KCNIP4: variants seen among roughly 807,000 people sequenced by gnomAD.
KCNIP4 encodes the protein Kv channel-interacting protein 4.
KCNIP4 carries 12 observed loss-of-function variants against 34.0 expected under a neutral mutation model. That is an observed-to-expected ratio of 0.35 (90% CI 0.23 to 0.57). The LOEUF (loss-of-function observed/expected upper bound fraction) is 0.57. Among genes scored for constraint, KCNIP4 ranks in the 20% least tolerant of loss-of-function variants. The probability of loss-of-function intolerance (pLI) is 0.83; values close to 1 mark genes in which losing one functional copy is unlikely to be tolerated. For missense variants in KCNIP4, 238 were observed against 311.7 expected, an observed-to-expected ratio of 0.76 and a Z score of 1.78; for synonymous variants, 124 against 102.2, an observed-to-expected ratio of 1.21 and a Z score of -1.29.
intron 1 of KCNIP4, among the ~76,000 whole-genome samples, chr4:21,409,306 A>G (rs1485976539): frequency 6.6e-6 from 1 of 151,798 alleles, no homozygotes; most frequent in Non-Finnish European, 1.5e-5. Context: ...TTGGAGAGGC[A>G]GGGGTCTCAC....
chr4:21,910,513 T>C (rs796451399), intron 1 of KCNIP4, among the ~76,000 whole-genome samples: 82 of 152,288 alleles, frequency 5.4e-4, no homozygotes, highest in African/African-American at 1.8e-3. Flanking sequence ...TAGGAGGATC[T>C]TGTGAAGCCC....
chr4:21,103,466 T>A (rs950043301), intron 1 of KCNIP4, among the ~76,000 whole-genome samples: 2 of 149,044 alleles, frequency 1.3e-5, no homozygotes, highest in South Asian at 4.2e-4. Flanking sequence ...TACATTTATT[T>A]TAATTATATC....
intron 1 of KCNIP4, among the ~76,000 whole-genome samples, chr4:21,838,091 C>G (rs1723459836): frequency 6.6e-6 from 1 of 152,134 alleles, no homozygotes; most frequent in Non-Finnish European, 1.5e-5. Flanking sequence ...TTCTAATTCA[C>G]ATTGCTTACA....
chr4:21,103,539 T>G (rs1177841037), intron 1 of KCNIP4, among the ~76,000 whole-genome samples: 6 of 151,230 alleles, frequency 4.0e-5, no homozygotes, highest in Non-Finnish European at 7.4e-5. Flanking sequence ...ATACTTCCCA[T>G]AAAATTCAAT....
In KCNIP4 at chr4:21,173,652, G is replaced by A. The variant is rs899323166; in HGVS notation, c.62-290943C>T. ...GTAGAAAAGAATTGCTCTGCCCAAG[G>A]TCATAGCCTCTTTGTGGCAAGTAGC... is the stretch of plus-strand genomic sequence containing the variant. On this transcript the variant is annotated intron_variant, in intron 1 of 8. Transcript: ENST00000382152. Among the ~76,000 whole-genome samples the A allele has an allele frequency of 3.3e-5, 5 of 152,220 alleles. No individual in the cohort carries two copies. The South Asian group carries it at 1.0e-3, about 32-fold the overall frequency.
At chr4:21,319,027 C>T (rs1029896476) in intron 1 of KCNIP4, among the ~76,000 whole-genome samples, 12 of 152,140 alleles carry the variant, frequency 7.9e-5, no homozygotes, top group Non-Finnish European at 1.3e-4. Context: ...AAGCAGATGA[C>T]CTATCACGAC....
intron 1 of KCNIP4, among the ~76,000 whole-genome samples, chr4:21,174,173 A>G (rs1370022721): frequency 1.3e-5 from 2 of 152,220 alleles, no homozygotes; most frequent in Non-Finnish European, 2.9e-5. Context: ...CCACATTTAA[A>G]AAAACTTGGG....
intron 3 of KCNIP4, among the ~76,000 whole-genome samples, chr4:20,837,686 AT>A (rs1318687393): frequency 3.4e-5 from 4 of 117,398 alleles, no homozygotes; most frequent in South Asian, 3.0e-4. Context: ...ATATATATAT[AT>A]TTTTTTTTCC....
intron 1 of KCNIP4, among the ~76,000 whole-genome samples, chr4:21,274,103 T>A (rs2109143245): frequency 6.6e-6 from 1 of 152,330 alleles, no homozygotes; most frequent in Non-Finnish European, 1.5e-5. Flanking sequence ...CTTAAGTTTG[T>A]TCTTTCATTA....
At chr4:20,783,116 T>C (rs1371925918) in intron 3 of KCNIP4, among the ~76,000 whole-genome samples, 1 of 152,192 alleles carries the variant, frequency 6.6e-6, no homozygotes, top group African/African-American at 2.4e-5. Flanking sequence ...CCTCATCTCC[T>C]TCTGAGAACA....
chr4:21,545,925 T>A (rs1577571453), intron 1 of KCNIP4, among the ~76,000 whole-genome samples: 1 of 152,246 alleles, frequency 6.6e-6, no homozygotes, highest in East Asian at 1.9e-4. Flanking sequence ...GGTCAAATGG[T>A]ATTTCTAGTT....
chr4:20,936,645 T>C (rs1731096035), intron 1 of KCNIP4, among the ~76,000 whole-genome samples: 1 of 152,182 alleles, frequency 6.6e-6, no homozygotes, highest in Admixed American at 6.5e-5. Flanking sequence ...CTCCATATCC[T>C]ATGAGTCTTC....
chr4:21,325,605 C>T (rs1006931912), intron 1 of KCNIP4, among the ~76,000 whole-genome samples: 5 of 151,376 alleles, frequency 3.3e-5, no homozygotes, highest in African/African-American at 1.2e-4. Context: ...TCATTTATTT[C>T]TGCTCTGATC....
At chr4:21,738,206 CTATT>C (rs1716142875) in intron 1 of KCNIP4, among the ~76,000 whole-genome samples, 1 of 151,918 alleles carries the variant, frequency 6.6e-6, no homozygotes, top group East Asian at 1.9e-4. Flanking sequence ...TACTTGAAAT[CTATT>C]TGTTTTTATT....
chr4:21,581,696 A>G (rs761371328), intron 1 of KCNIP4, among the ~76,000 whole-genome samples: 2 of 151,952 alleles, frequency 1.3e-5, no homozygotes, highest in Admixed American at 6.6e-5. Flanking sequence ...CATTTTGACT[A>G]GCATTATTAT....
At chr4:20,983,027 C>G (rs1553923709) in intron 1 of KCNIP4, among the ~76,000 whole-genome samples, 1 of 152,098 alleles carries the variant, frequency 6.6e-6, no homozygotes, top group Non-Finnish European at 1.5e-5. Flanking sequence ...TTAGTAAAAG[C>G]ATTATTTCAT....
chr4:21,519,712 GTA>G lies in KCNIP4; in HGVS notation c.61+428857_61+428858del, dbSNP rs1305593505. ...TATACACACGTGTGTGTATGTATGT[GTA>G]TATATACACACGTGTGTATATGTAT... On this transcript the variant is annotated intron_variant, in intron 1 of 8. Transcript: ENST00000382152. Among the ~76,000 whole-genome samples the G allele has an allele frequency of 4.5e-3, 532 of 117,732 alleles. 3 individuals carry two copies. Among genetic ancestry groups the G allele is most frequent in the Admixed American group, 5.4e-3 (62 of 11,586 alleles). 77.2% of individuals were successfully genotyped at this position (117,732 alleles called of 152,430 possible). A position where few individuals can be genotyped will look rare whatever the true frequency, so the allele number is the denominator to read the frequency against.
At chr4:21,127,857 T>G (rs957930038) in intron 1 of KCNIP4, among the ~76,000 whole-genome samples, 1 of 152,214 alleles carries the variant, frequency 6.6e-6, no homozygotes, top group Admixed American at 6.5e-5. Context: ...ATGCTGTCCC[T>G]GCACAATCAA....
chr4:21,482,026 A>G (rs905434431), intron 1 of KCNIP4, among the ~76,000 whole-genome samples: 2 of 152,050 alleles, frequency 1.3e-5, no homozygotes, highest in Admixed American at 1.3e-4. Flanking sequence ...TAGGATAGTT[A>G]GCTCTTCTTG....
Sources: allele counts gnomAD v4.1 joint callset (sites outside exome capture counted in the v4.1 genomes callset), GRCh38; gene constraint gnomAD v4.1.1; transcripts MANE v1.5; gene names NCBI Gene and HGNC (gene_info 2026-07-23, HGNC 2026-07-21).